The following PLCB1 variants were observed in gnomAD, a reference collection of about 807,000 sequenced individuals.
The protein encoded by PLCB1 is phospholipase C beta 1.
Under a neutral mutation model 161.8 loss-of-function variants are expected in PLCB1, and 46 were observed. The ratio of observed to expected loss-of-function variants is 0.28; its 90% CI spans 0.22 to 0.36. PLCB1 has a LOEUF of 0.36. Ranked by LOEUF, PLCB1 falls within the 10% of genes least tolerant of loss-of-function variation. The probability of loss-of-function intolerance (pLI) is 1.00; values close to 1 mark genes in which losing one functional copy is unlikely to be tolerated. For missense variants in PLCB1, 1,016 were observed against 1,472.5 expected (o/e 0.69, Z 5.07); for synonymous variants, 517 against 503.7 (o/e 1.03, Z -0.35).
intron 3 of PLCB1, among the ~76,000 whole-genome samples, chr20:8,504,639 C>T (rs2122826236): frequency 6.6e-6 from 1 of 152,196 alleles, no homozygotes; most frequent in Non-Finnish European, 1.5e-5. Context: ...CTTATATTTT[C>T]CTCTGACCTC....
chr20:8,323,973 G>A (rs1985030122), intron 2 of PLCB1, among the ~76,000 whole-genome samples: 1 of 152,006 alleles, frequency 6.6e-6, no homozygotes, highest in Non-Finnish European at 1.5e-5. Context: ...TATCTAGAGG[G>A]AAGAGTTAAG....
intron 15 of PLCB1, among the ~76,000 whole-genome samples, chr20:8,724,224 TA>T (rs1040695636): frequency 6.6e-6 from 1 of 150,984 alleles, no homozygotes; most frequent in South Asian, 2.1e-4. Flanking sequence ...AAATAAATGT[TA>T]AAAAAAATTA....
chr20:8,648,950 A>C (rs1568546032), intron 6 of PLCB1, among the ~76,000 whole-genome samples: 1 of 149,244 alleles, frequency 6.7e-6, no homozygotes, highest in African/African-American at 2.4e-5. Context: ...CTAAAAAAAA[A>C]AAAAGAAAGA....
intron 1 of PLCB1, among the ~76,000 whole-genome samples, chr20:8,147,315 CAT>C (rs1308664850): frequency 1.6e-4 from 24 of 152,310 alleles, no homozygotes; most frequent in Non-Finnish European, 2.4e-4. Flanking sequence ...GAAATACACA[CAT>C]GTTATAGATG....
intron 2 of PLCB1, among the ~76,000 whole-genome samples, chr20:8,285,284 A>G (rs1983061110): frequency 6.7e-6 from 1 of 149,058 alleles, no homozygotes; most frequent in Non-Finnish European, 1.5e-5. Context: ...CTAAATATAT[A>G]TATTTATATC....
chr20:8,404,461 C>T (rs1568663530), intron 3 of PLCB1, among the ~76,000 whole-genome samples: 1 of 152,198 alleles, frequency 6.6e-6, no homozygotes, highest in Non-Finnish European at 1.5e-5. Context: ...TTAGAAAACA[C>T]CTAGTAGAGA....
At position 8,228,254 on chromosome 20, in the gene PLCB1, G is replaced by A. The variant is rs894938901; in HGVS notation, c.177+77883G>A. On this transcript the variant is annotated intron_variant, in intron 2 of 31. Coordinates refer to ENST00000338037, the MANE Select transcript of PLCB1 (RefSeq NM_015192.4). ...ACAATTTTTACCCCAGCAAGAGGAT[G>A]TTTGGTTAAATGGCCAGCACTGATT... Among the ~76,000 whole-genome samples, 4 of 152,132 alleles carry A rather than the reference G, an allele frequency of 2.6e-5. 1 individual carries two copies. The highest frequency in any genetic ancestry group is 5.9e-5 in the Non-Finnish European group (4 of 68,014).
chr20:8,620,816 GT>G (rs1459878810), intron 3 of PLCB1, among the ~76,000 whole-genome samples: 1 of 150,040 alleles, frequency 6.7e-6, no homozygotes, highest in African/African-American at 2.5e-5. Flanking sequence ...TTTCCTCCAT[GT>G]GTCAAAAGCT....
intron 12 of PLCB1, among the ~76,000 whole-genome samples, chr20:8,710,680 A>T (rs1978959056): frequency 6.6e-6 from 1 of 151,726 alleles, no homozygotes; most frequent in South Asian, 2.1e-4. Context: ...ATGCTCAGCT[A>T]ATTTTGTATT....
intron 2 of PLCB1, among the ~76,000 whole-genome samples, chr20:8,180,049 G>A (rs1357287298): frequency 6.6e-6 from 1 of 151,634 alleles, no homozygotes; most frequent in South Asian, 2.1e-4. Flanking sequence ...TAGTGGAGAT[G>A]GGGTTTCACC....
At chr20:8,257,370 T>G (rs1387015889) in intron 2 of PLCB1, among the ~76,000 whole-genome samples, 3 of 152,098 alleles carry the variant, frequency 2.0e-5, no homozygotes, top group Non-Finnish European at 2.9e-5. Context: ...GACTTAAATA[T>G]CTACTCATAT....
intron 20 of PLCB1, among the ~76,000 whole-genome samples, chr20:8,738,777 C>A (rs539552194): frequency 6.6e-6 from 1 of 152,274 alleles, no homozygotes; most frequent in East Asian, 1.9e-4. Flanking sequence ...CATGTCTTCT[C>A]CTCTGAAAAT....
chr20:8,872,148 G>T (rs933086510), intron 31 of PLCB1, among the ~76,000 whole-genome samples: 1 of 152,028 alleles, frequency 6.6e-6, no homozygotes, highest in African/African-American at 2.4e-5. Context: ...TTGCTAGTTG[G>T]TATTTGTTCA....
intron 3 of PLCB1, among the ~76,000 whole-genome samples, chr20:8,616,317 C>G (rs1340983367): frequency 6.6e-6 from 1 of 152,098 alleles, no homozygotes; most frequent in Non-Finnish European, 1.5e-5. Flanking sequence ...GCTGCTCTTC[C>G]TCCTACCACA....
chr20:8,297,213 A>G (rs1470617177), intron 2 of PLCB1, among the ~76,000 whole-genome samples: 1 of 152,140 alleles, frequency 6.6e-6, no homozygotes, highest in African/African-American at 2.4e-5. Context: ...ATGCATGTAT[A>G]TCTATATGTG....
chr20:8,662,392 A>ATTATATAATTATGTATAATATATAATTG (rs1989693617), intron 9 of PLCB1, among the ~76,000 whole-genome samples: 1 of 129,616 alleles, frequency 7.7e-6, no homozygotes, highest in Non-Finnish European at 1.6e-5. Context: ...ATATATAATT[A>ATTATATAATTATGTATAATATATAATTG]TTTATTATAT....
chr20:8,603,273 T>C (rs1271469479), intron 3 of PLCB1, among the ~76,000 whole-genome samples: 1 of 152,244 alleles, frequency 6.6e-6, no homozygotes, highest in Non-Finnish European at 1.5e-5. Context: ...ATCTCGGGAA[T>C]CAAGTAACCC....
chr20:8,810,606 T>C (rs1984768975), intron 31 of PLCB1, among the ~76,000 whole-genome samples: 1 of 152,194 alleles, frequency 6.6e-6, no homozygotes, highest in African/African-American at 2.4e-5. Context: ...ATGAAATCCT[T>C]GGCATATCTA....
chr20:8,232,220 TA>T (rs79231922), intron 2 of PLCB1, among the ~76,000 whole-genome samples: 1 of 139,422 alleles, frequency 7.2e-6, no homozygotes, highest in African/African-American at 2.9e-5. Flanking sequence ...CGCATCTCTT[TA>T]AAAAAGAGAG....
Sources: allele counts gnomAD v4.1 joint callset (sites outside exome capture counted in the v4.1 genomes callset), GRCh38; gene constraint gnomAD v4.1.1; transcripts MANE v1.5; gene names NCBI Gene and HGNC (gene_info 2026-07-23, HGNC 2026-07-21).